The following DONSON variants were observed in gnomAD, a reference collection of about 807,000 sequenced individuals.
DONSON encodes protein downstream neighbor of Son.
A neutral mutation model predicts 62.1 loss-of-function variants in DONSON; 43 were observed. The observed-to-expected ratio is 0.69, with a 90% CI of 0.54 to 0.89. The LOEUF (loss-of-function observed/expected upper bound fraction) is 0.89. Ranked by LOEUF, DONSON falls within the 40% of genes least tolerant of loss-of-function variation. The pLI, the probability that DONSON is intolerant of heterozygous loss-of-function variation, is 0.00. For synonymous variants in DONSON, 266 were observed against 264.6 expected (o/e 1.01, Z -0.05); for missense variants, 696 against 697.5 (o/e 1.00, Z 0.03).
At chr21:33,587,495 A>T in intron 2 of DONSON, 27 bp downstream of exon 2, 1 of 1,551,086 alleles carries the variant, frequency 6.4e-7, no homozygotes, top group Admixed American at 2.2e-5. Context: ...ACAAATACAC[A>T]TTCTAATGAT....
intron 4 of DONSON, 117 bp from the exon 5 acceptor site, chr21:33,583,783 G>C (rs1466176314): frequency 6.7e-6 from 6 of 900,952 alleles, no homozygotes; most frequent in Admixed American, 2.9e-5. Flanking sequence ...TTTAGATAAT[G>C]GTTTTAATTT....
Position 33,585,387 on chromosome 21 carries a change from A to ATT in DONSON, c.606+589_606+590dup, listed in dbSNP as rs773327167. On this transcript the variant is annotated intron_variant, in intron 3 of 9. Transcript: ENST00000303071. ...AGGCACCCACCACCATGCTCAGCTA[A>ATT]TTTTTTTTTTTTTTTTTTTTTGTAG... Among the ~76,000 whole-genome samples, 511 of 109,804 alleles carry ATT rather than the reference A, an allele frequency of 4.7e-3. 12 individuals carry two copies. The highest frequency in any genetic ancestry group is 6.2e-3 in the Non-Finnish European group (350 of 56,392). 72.0% of individuals were successfully genotyped at this position (109,804 alleles called of 152,430 possible). A position where few individuals can be genotyped will look rare whatever the true frequency, so the allele number is the denominator to read the frequency against.
chr21:33,583,711 T>C (rs769662508), intron 4 of DONSON, 45 bp from the exon 5 acceptor site: 4 of 1,419,510 alleles, frequency 2.8e-6, no homozygotes, highest in Non-Finnish European at 3.9e-6. Context: ...AAACATTTAA[T>C]GCAATGTTTA....
intron 2 of DONSON, chr21:33,587,280 C>A: frequency 1.2e-6 from 1 of 826,116 alleles, no homozygotes; most frequent in Non-Finnish European, 1.5e-6. Flanking sequence ...ACCCCCACGT[C>A]TATCAGGCCT....
In DONSON at chr21:33,583,597, G is replaced by C. The variant is rs371043498; in HGVS notation, c.855C>G (p.Thr285=). Residue 285 remains threonine (T), a synonymous_variant, in exon 5 of 10, where the codon ACC becomes ACG. Coordinates refer to ENST00000303071, the MANE Select transcript of DONSON (RefSeq NM_017613.4). Reference sequence around the variant, plus strand: ...CTCGGAACAGGACAGTAAACTGATAGGTACAAACGTAGAAATAGGGGCAAA... The same window carrying C: ...CTCGGAACAGGACAGTAAACTGATACGTACAAACGTAGAAATAGGGGCAAA... ...TKLCPYFYVC[T]YQFTVLFRAA... 1.2e-6 allele frequency: 2 copies of C among 1,613,608 alleles called. No individual in the cohort carries two copies. Among genetic ancestry groups the C allele is most frequent in the African/African-American group, 1.3e-5 (1 of 74,966 alleles).
At position 33,579,435 on chromosome 21, in the gene DONSON, C is replaced by T. The variant is rs768830292; in HGVS notation, c.1478G>A (p.Ser493Asn). The change falls in exon 9 of 10, where the codon AGT becomes AAT. Residue 493 changes from serine (S) to asparagine (N), a missense_variant. Transcript: ENST00000303071. ...SLTMLLKSSQSGSFSAVLYPH... is the reference protein window; with the variant it reads ...SLTMLLKSSQNGSFSAVLYPH... ...ATACAGTACTGCAGAGAAAGATCCA[C>T]TCTGTGAAGATTTGAGCAGCATGGT... is the stretch of plus-strand genomic sequence containing the variant. The T allele has an allele frequency of 3.1e-6, 5 of 1,614,188 alleles. No individual in the cohort carries two copies. Among genetic ancestry groups the T allele is most frequent in the Non-Finnish European group, 4.2e-6 (5 of 1,180,028 alleles).
intron 8 of DONSON, among the ~76,000 whole-genome samples, chr21:33,580,731 A>G (rs1276924376): frequency 6.6e-6 from 1 of 151,914 alleles, no homozygotes; most frequent in African/African-American, 2.4e-5. Context: ...AAAATACAAA[A>G]ATTAGCTGGG....
Position 33,578,292 on chromosome 21 carries a change from G to A in DONSON, c.*15C>T, listed in dbSNP as rs951519695. The A allele has an allele frequency of 6.2e-7, 1 of 1,608,250 alleles. No individual in the cohort carries two copies. Among genetic ancestry groups the A allele is most frequent in the Non-Finnish European group, 8.5e-7 (1 of 1,177,272 alleles). ...CTTTTTTCCTCAAAGATTCCTTTTA[G>A]GCTTACTTTGGTGTTCAGGATCTCC... is the stretch of plus-strand genomic sequence containing the variant. On this transcript the variant is annotated 3_prime_UTR_variant, in exon 10 of 10. Coordinates refer to ENST00000303071, the MANE Select transcript of DONSON (RefSeq NM_017613.4).
chr21:33,579,242 TTTAA>T (rs1184634830), intron 9 of DONSON, 104 bp downstream of exon 9: 9 of 773,810 alleles, frequency 1.2e-5, no homozygotes, highest in African/African-American at 7.0e-5. Flanking sequence ...TAAGTAACAG[TTTAA>T]TTACTTGAAA....
chr21:33,588,331 G>C lies in DONSON; in HGVS notation c.311C>G (p.Ala104Gly). The part of the protein sequence containing the change: ...PDGPAREQPE[A>G]PVPFLDSNQE... ...CTACAAGACACTCACCGGGACCGGG[G>C]CCTCCGGCTGCTCGCGGGCCGGCCC... The change falls in exon 1 of 10, where the codon GCC (alanine) becomes GGC (glycine). Residue 104 changes from alanine (A) to glycine (G), a missense_variant. Ala to Gly is a moderately conservative substitution (Grantham distance 60). Coordinates refer to ENST00000303071, the MANE Select transcript of DONSON (RefSeq NM_017613.4). 7.7e-7 allele frequency: 1 copy of C among 1,292,630 alleles called. No homozygotes were observed. Among genetic ancestry groups the C allele is most frequent in the South Asian group, 2.8e-5 (1 of 35,178 alleles). 80.1% of individuals were successfully genotyped at this position (1,292,630 alleles called of 1,614,324 possible).
Position 33,584,631 on chromosome 21 carries a change from C to T in DONSON, c.744G>A (p.Trp248Ter), listed in dbSNP as rs748118576. The T allele has an allele frequency of 6.2e-7, 1 of 1,613,050 alleles. No homozygotes were observed. Among genetic ancestry groups the T allele is most frequent in the Admixed American group, 1.7e-5 (1 of 59,934 alleles). The change falls in exon 4 of 10, where the codon TGG becomes TGA. Residue 248 changes from tryptophan (W) to a stop codon, truncating the protein, a stop_gained. Coordinates refer to ENST00000303071, the MANE Select transcript of DONSON (RefSeq NM_017613.4). LOFTEE classifies it high-confidence loss of function. Reference sequence around the variant, plus strand: ...CATGCTGCAGGGTTGCATCATTTGACCAAGGACTTGTCTTTCCAGCCATTT... The same window carrying T: ...CATGCTGCAGGGTTGCATCATTTGATCAAGGACTTGTCTTTCCAGCCATTT... ...DRKMAGKTSP[W>*]SNDATLQHVL... is the part of the protein sequence containing the mutation.
chr21:33,578,276 T>A lies in DONSON; in HGVS notation c.*31A>T. On this transcript the variant is annotated 3_prime_UTR_variant, in exon 10 of 10. Coordinates refer to ENST00000303071, the MANE Select transcript of DONSON (RefSeq NM_017613.4). ...TTTCCTTGCTAGAAGGCTTTTTTCC[T>A]CAAAGATTCCTTTTAGGCTTACTTT... 1 of 1,595,480 alleles carries A rather than the reference T, an allele frequency of 6.3e-7. No individual in the cohort carries two copies. Among genetic ancestry groups the A allele is most frequent in the Non-Finnish European group, 8.5e-7 (1 of 1,170,390 alleles).
intron 3 of DONSON, 147 bp downstream of exon 3, chr21:33,585,831 A>G (rs1189718178): frequency 6.8e-6 from 5 of 735,122 alleles, no homozygotes; most frequent in Non-Finnish European, 1.1e-5. Flanking sequence ...CATAAGCACC[A>G]TCTGGGAAAG....
chr21:33,584,868 A>T, intron 3 of DONSON, 100 bp from the exon 4 acceptor site: 1 of 975,374 alleles, frequency 1.0e-6, no homozygotes, highest in Non-Finnish European at 1.4e-6. Context: ...AAGAATCTTT[A>T]TTGCTTTCTA....
chr21:33,588,228 C>A (rs1210586550), intron 1 of DONSON, 93 bp downstream of exon 1: 1 of 1,045,188 alleles, frequency 9.6e-7, no homozygotes, highest in Non-Finnish European at 1.2e-6. Context: ...CATTTCCTTG[C>A]CTCGAACGCG....
chr21:33,581,956 G>C lies in DONSON; in HGVS notation c.1146C>G (p.Ile382Met). The C allele has an allele frequency of 3.1e-6, 5 of 1,613,878 alleles. No homozygotes were observed. The South Asian group carries it at 3.3e-5, about 11-fold the overall frequency. ...AACAACAACTGAAAGGATACAGCTTGATAGAAAGTATGTCTGGCTTTTTAA... is the reference window on the plus strand; with the variant it reads ...AACAACAACTGAAAGGATACAGCTTCATAGAAAGTATGTCTGGCTTTTTAA... ...DKIKKPDILS[I>M]KLRKEKHEVQ... The change falls in exon 7 of 10, where the codon ATC becomes ATG. Residue 382 changes from isoleucine to methionine, a missense_variant. Coordinates refer to ENST00000303071, the MANE Select transcript of DONSON (RefSeq NM_017613.4).
intron 5 of DONSON, 42 bp from the exon 6 acceptor site, chr21:33,582,288 T>G: frequency 6.8e-7 from 1 of 1,466,826 alleles, no homozygotes; most frequent in South Asian, 1.2e-5. Context: ...TCATTTAAAG[T>G]ATTTAACAGG....
intron 8 of DONSON, among the ~76,000 whole-genome samples, chr21:33,580,510 G>A (rs2086495656): frequency 1.9e-5 from 2 of 103,812 alleles, no homozygotes; most frequent in African/African-American, 3.8e-5. Flanking sequence ...AAAAAGCAGG[G>A]CATGGCAGTC....
In DONSON at chr21:33,588,324, G is replaced by T. The variant is rs2145909862; in HGVS notation, c.318C>A (p.Val106=). 3 of 1,289,026 alleles carry T rather than the reference G, an allele frequency of 2.3e-6. No homozygotes were observed. The highest frequency in any genetic ancestry group is 2.9e-6 in the Non-Finnish European group (3 of 1,022,544). 79.8% of individuals were successfully genotyped at this position (1,289,026 alleles called of 1,614,324 possible). Residue 106 remains valine (V), a synonymous_variant, in exon 1 of 10, where the codon GTC becomes GTA. Coordinates refer to ENST00000303071, the MANE Select transcript of DONSON (RefSeq NM_017613.4). ...GGCCAGGCTACAAGACACTCACCGG[G>T]ACCGGGGCCTCCGGCTGCTCGCGGG... is the stretch of plus-strand genomic sequence containing the variant. ...GPAREQPEAP[V]PFLDSNQEND... is the part of the protein sequence containing the mutation.
Sources: gnomAD v4.1 joint callset for allele counts (sites outside exome capture counted in the v4.1 genomes callset) on GRCh38, gnomAD v4.1.1 for gene constraint, MANE v1.5 for transcripts, NCBI Gene and HGNC (gene_info 2026-07-23, HGNC 2026-07-21) for gene names.